Variants in CACNA2D1 observed in about 807,000 individuals in gnomAD.
CACNA2D1 encodes the protein voltage-dependent calcium channel subunit alpha-2/delta-1.
A neutral mutation model predicts 171.5 loss-of-function variants in CACNA2D1; 53 were observed. That is an observed-to-expected ratio of 0.31 (90% CI 0.25 to 0.39). The LOEUF is 0.39. CACNA2D1 is among the 10% of genes least tolerant of loss of function. CACNA2D1 has a pLI of 1.00. For synonymous variants in CACNA2D1, 442 were observed against 443.1 expected, an observed-to-expected ratio of 1.00 and a Z score of 0.03; for missense variants, 903 against 1,299.8, an observed-to-expected ratio of 0.69 and a Z score of 4.69.
At chr7:82,273,005 G>A (rs779122245) in intron 3 of CACNA2D1, among the ~76,000 whole-genome samples, 35 of 152,184 alleles carry the variant, frequency 2.3e-4, no homozygotes, top group South Asian at 6.2e-4. Flanking sequence ...ATAAGGAAAC[G>A]TACCAATAAA....
Position 82,357,968 on chromosome 7 carries a change from C to T in CACNA2D1, c.96-8319G>A, listed in dbSNP as rs79737695. Reference sequence around the variant, plus strand: ...AGCCCTATCCTAAGGCAGTTCTCTGCTTTTTGCCACTATTTTTAAGAAATC... The same window carrying T: ...AGCCCTATCCTAAGGCAGTTCTCTGTTTTTTGCCACTATTTTTAAGAAATC... On this transcript the variant is annotated intron_variant, in intron 1 of 38. Transcript: ENST00000356860. Among the ~76,000 whole-genome samples the T allele has an allele frequency of 3.8e-3, 585 of 151,964 alleles. 9 individuals carry two copies. The East Asian group carries it at 0.058, about 15-fold the overall frequency.
intron 1 of CACNA2D1, among the ~76,000 whole-genome samples, chr7:82,388,447 C>A (rs562752201): frequency 6.6e-6 from 1 of 152,106 alleles, no homozygotes; most frequent in African/African-American, 2.4e-5. Flanking sequence ...GTTGATTTTT[C>A]GTTTTTCACA....
intron 1 of CACNA2D1, among the ~76,000 whole-genome samples, chr7:82,428,038 T>C (rs531814895): frequency 2.6e-4 from 39 of 152,060 alleles, no homozygotes; most frequent in African/African-American, 9.2e-4. Flanking sequence ...CTCTCCAAAA[T>C]ATTTTTTTAA....
Position 82,335,241 on chromosome 7 carries a change from T to C in CACNA2D1, c.188A>G (p.Lys63Arg). The change falls in exon 3 of 39, where the codon AAA (lysine) becomes AGA (arginine). Residue 63 changes from lysine (K) to arginine (R), a missense_variant. Lys to Arg is a conservative substitution (Grantham distance 26). Around this residue, in one of 5 missense-constraint regions of CACNA2D1, gnomAD observed 189 missense variants for 266.8 expected, o/e 0.71. Coordinates refer to ENST00000356860, the MANE Select transcript of CACNA2D1 (RefSeq NM_000722.4). ...GVNQLVDIYE[K>R]YQDLYTVEPN... ...TTCCACAGTATACAAATCTTGATATTTCTCATAAATCTGTGTGAAAGAAAA... is the reference window on the plus strand; with the variant it reads ...TTCCACAGTATACAAATCTTGATATCTCTCATAAATCTGTGTGAAAGAAAA... 1.3e-6 allele frequency: 2 copies of C among 1,597,104 alleles called. No homozygotes were observed. The highest frequency in any genetic ancestry group is 1.7e-6 in the Non-Finnish European group (2 of 1,165,262).
At chr7:81,995,013 A>G in intron 19 of CACNA2D1, 74 bp from the exon 20 acceptor site, 1 of 767,518 alleles carries the variant, frequency 1.3e-6, no homozygotes, top group South Asian at 1.5e-5. Flanking sequence ...TTAACATGGT[A>G]GTTTTTCAAG....
chr7:82,170,652 A>C (rs1438339643), intron 3 of CACNA2D1, 43 bp from the exon 4 acceptor site: 1 of 1,546,968 alleles, frequency 6.5e-7, no homozygotes, highest in Non-Finnish European at 8.9e-7. Flanking sequence ...ATGAACACGT[A>C]ATATGGAATT....
chr7:82,310,111 G>A (rs1414158518), intron 3 of CACNA2D1, among the ~76,000 whole-genome samples: 2 of 151,728 alleles, frequency 1.3e-5, no homozygotes, highest in Non-Finnish European at 2.9e-5. Context: ...TTAAAAACTA[G>A]GAAAACATAT....
intron 3 of CACNA2D1, among the ~76,000 whole-genome samples, chr7:82,325,684 T>C (rs1816562815): frequency 6.6e-6 from 1 of 152,314 alleles, no homozygotes; most frequent in African/African-American, 2.4e-5. Context: ...TCTTTCTTAG[T>C]TTCAGCTATG....
intron 4 of CACNA2D1, among the ~76,000 whole-genome samples, chr7:82,149,843 G>A (rs1793605389): frequency 6.6e-6 from 1 of 151,336 alleles, no homozygotes; most frequent in Non-Finnish European, 1.5e-5. Flanking sequence ...TGTAGTCCCA[G>A]CTACTCAGGA....
rs1269426192 is a variant in CACNA2D1 at position 82,067,266 on chromosome 7, AAAAT to A, written c.659-746_659-743del. ...CATGCACACCTTAGACCTAATGAAA[AAAAT>A]AAATGCTGATGAATTGGATGATAAT... On this transcript the variant is annotated intron_variant, in intron 7 of 38. Transcript: ENST00000356860. 3.9e-5 allele frequency among the ~76,000 whole-genome samples: 6 copies of A among 152,316 alleles called. No individual in the cohort carries two copies. The South Asian group carries it at 6.2e-4, about 16-fold the overall frequency.
chr7:81,947,888 G>T lies in CACNA2D1; in HGVS notation c.*2504C>A, dbSNP rs949234086. 1.3e-5 allele frequency: 2 copies of T among 151,744 alleles called. No individual in the cohort carries two copies. Among genetic ancestry groups the T allele is most frequent in the Non-Finnish European group, 2.9e-5 (2 of 67,804 alleles). 9.4% of individuals were successfully genotyped at this position (151,744 alleles called of 1,614,324 possible). A position where few individuals can be genotyped will look rare whatever the true frequency, so the allele number is the denominator to read the frequency against. ...TTACCCAATTTGTAATTGCATTTAT[G>T]GTTGTCATAATATATAACTTTATAG... On this transcript the variant is annotated 3_prime_UTR_variant, in exon 39 of 39. Transcript: ENST00000356860.
intron 3 of CACNA2D1, among the ~76,000 whole-genome samples, chr7:82,219,233 T>C (rs1158690151): frequency 6.6e-6 from 1 of 152,116 alleles, no homozygotes; most frequent in African/African-American, 2.4e-5. Flanking sequence ...ACAGGTCAAA[T>C]CTCTGCTACT....
At chr7:82,041,743 C>A (rs976536184) in intron 10 of CACNA2D1, among the ~76,000 whole-genome samples, 11 of 152,184 alleles carry the variant, frequency 7.2e-5, no homozygotes, top group African/African-American at 2.4e-4. Context: ...GCTTATTCTA[C>A]ATGTTCCATT....
intron 7 of CACNA2D1, among the ~76,000 whole-genome samples, chr7:82,079,419 T>G (rs1809413720): frequency 6.6e-6 from 1 of 152,084 alleles, no homozygotes; most frequent in African/African-American, 2.4e-5. Context: ...TAGCTGGGTG[T>G]GGTAGCTCAC....
intron 10 of CACNA2D1, among the ~76,000 whole-genome samples, chr7:82,054,127 CTAAGT>C (rs1805531163): frequency 6.6e-6 from 1 of 152,178 alleles, no homozygotes; most frequent in African/African-American, 2.4e-5. Context: ...AATGCCCATT[CTAAGT>C]TCTTTAGGAA....
intron 10 of CACNA2D1, among the ~76,000 whole-genome samples, chr7:82,047,087 C>T (rs1804642617): frequency 6.6e-6 from 1 of 152,274 alleles, no homozygotes; most frequent in Non-Finnish European, 1.5e-5. Context: ...ACATTTCTGT[C>T]TTCTCAACCA....
chr7:82,104,218 A>C (rs1813042770), intron 6 of CACNA2D1, among the ~76,000 whole-genome samples: 1 of 152,058 alleles, frequency 6.6e-6, no homozygotes, highest in Non-Finnish European at 1.5e-5. Flanking sequence ...TAATGAATAA[A>C]TGAATGAAAA....
At chr7:82,217,759 T>C (rs1424499691) in intron 3 of CACNA2D1, among the ~76,000 whole-genome samples, 1 of 151,128 alleles carries the variant, frequency 6.6e-6, no homozygotes, top group African/African-American at 2.4e-5. Context: ...GTTTCAGGGG[T>C]AAAATATACC....
intron 3 of CACNA2D1, among the ~76,000 whole-genome samples, chr7:82,182,765 C>T (rs1443454009): frequency 2.0e-5 from 3 of 152,160 alleles, no homozygotes; most frequent in South Asian, 2.1e-4. Context: ...TGCCCAGGCA[C>T]GGTGGGTCCC....
Sources: allele counts gnomAD v4.1 joint callset (sites outside exome capture counted in the v4.1 genomes callset), GRCh38; gene constraint gnomAD v4.1.1; regional missense constraint gnomAD v4.1.1; transcripts MANE v1.5; gene names NCBI Gene and HGNC (gene_info 2026-07-23, HGNC 2026-07-21).